The following HMCN1 variants were observed in gnomAD, a reference collection of about 807,000 sequenced individuals.
HMCN1 encodes the protein hemicentin-1.
In HMCN1, 321 loss-of-function variants were observed where a neutral mutation model predicts 625.9. That is an observed-to-expected ratio of 0.51 (90% CI 0.47 to 0.56). HMCN1 has a LOEUF of 0.56. Ranked by LOEUF, HMCN1 falls within the 20% of genes least tolerant of loss-of-function variation. The pLI, the probability that HMCN1 is intolerant of heterozygous loss-of-function variation, is 0.00. For synonymous variants in HMCN1, 2,425 were observed against 2,417.6 expected, an observed-to-expected ratio of 1.00 and a Z score of -0.09; for missense variants, 6,588 against 6,887.3, an observed-to-expected ratio of 0.96 and a Z score of 1.54.
At chr1:185,962,902 C>T (rs978086690) in intron 12 of HMCN1, among the ~76,000 whole-genome samples, 3 of 152,058 alleles carry the variant, frequency 2.0e-5, no homozygotes, top group African/African-American at 7.2e-5. Flanking sequence ...CTTTGAGCTG[C>T]AAATGTAGCA....
chr1:186,037,462 A>C (rs1655911096), intron 36 of HMCN1, among the ~76,000 whole-genome samples: 1 of 152,148 alleles, frequency 6.6e-6, no homozygotes, highest in Non-Finnish European at 1.5e-5. Flanking sequence ...TCAAAGGAAA[A>C]AAACTGCCAA....
intron 66 of HMCN1, 148 bp downstream of exon 66, chr1:186,093,817 C>T (rs1349634262): frequency 8.8e-6 from 9 of 1,021,936 alleles, no homozygotes; most frequent in Admixed American, 7.1e-5. Context: ...AGAGGAAGGA[C>T]AACAAATATA....
At chr1:185,954,425 A>G (rs1175133057) in intron 11 of HMCN1, among the ~76,000 whole-genome samples, 1 of 152,156 alleles carries the variant, frequency 6.6e-6, no homozygotes, top group African/African-American at 2.4e-5. Flanking sequence ...AGTACTGTCA[A>G]TTCCTTATTG....
At chr1:186,172,515 G>GATTTTCCTT (rs1312517446) in intron 102 of HMCN1, among the ~76,000 whole-genome samples, 2 of 152,062 alleles carry the variant, frequency 1.3e-5, no homozygotes, top group Non-Finnish European at 2.9e-5. Context: ...AATTATTTTG[G>GATTTTCCTT]AGATGTATAT....
intron 32 of HMCN1, 67 bp downstream of exon 32, chr1:186,016,306 T>C: frequency 6.9e-7 from 1 of 1,458,978 alleles, no homozygotes; most frequent in Non-Finnish European, 9.5e-7. Flanking sequence ...TGTTAAATAC[T>C]TTTTTGTTCA....
intron 105 of HMCN1, 80 bp from the exon 106 acceptor site, chr1:186,187,803 T>C (rs1653439390): frequency 6.3e-7 from 1 of 1,575,914 alleles, no homozygotes; most frequent in African/African-American, 1.4e-5. Context: ...CACATTCTAG[T>C]CACACATCTA....
chr1:185,749,970 A>G (rs1169409805), intron 1 of HMCN1, among the ~76,000 whole-genome samples: 1 of 152,180 alleles, frequency 6.6e-6, no homozygotes, highest in African/African-American at 2.4e-5. Context: ...GCTCTTGGCT[A>G]AAAGTCACCT....
intron 69 of HMCN1, among the ~76,000 whole-genome samples, chr1:186,105,329 C>A (rs2102449143): frequency 6.6e-6 from 1 of 152,280 alleles, no homozygotes. Flanking sequence ...GTTTTCATAG[C>A]AATTTGTATA....
intron 1 of HMCN1, among the ~76,000 whole-genome samples, chr1:185,783,488 G>T (rs958408999): frequency 6.6e-6 from 1 of 151,992 alleles, no homozygotes; most frequent in Non-Finnish European, 1.5e-5. Flanking sequence ...ATCTACCTTT[G>T]GTCTTTGATG....
chr1:186,149,160 G>A (rs1265411361), intron 93 of HMCN1, among the ~76,000 whole-genome samples: 3 of 152,192 alleles, frequency 2.0e-5, no homozygotes, highest in African/African-American at 7.2e-5. Flanking sequence ...TAACAAGACA[G>A]TCAGTTTGTT....
At chr1:186,120,250 C>A in intron 80 of HMCN1, 105 bp downstream of exon 80, 1 of 1,255,982 alleles carries the variant, frequency 8.0e-7, no homozygotes, top group Non-Finnish European at 1.1e-6. Context: ...CCCCATAGTT[C>A]TCGACATTCT....
At chr1:185,968,942 GT>G (rs1250039100) in intron 14 of HMCN1, among the ~76,000 whole-genome samples, 1 of 152,018 alleles carries the variant, frequency 6.6e-6, no homozygotes, top group Non-Finnish European at 1.5e-5. Flanking sequence ...AATTGAACTA[GT>G]TTTTTCCAAT....
intron 1 of HMCN1, among the ~76,000 whole-genome samples, chr1:185,795,662 T>C (rs1658322357): frequency 1.3e-5 from 2 of 152,208 alleles, no homozygotes; most frequent in African/African-American, 4.8e-5. Context: ...ACGTCTAGAA[T>C]ATAAAAAAGA....
intron 2 of HMCN1, among the ~76,000 whole-genome samples, chr1:185,851,031 TA>T (rs1317414844): frequency 1.3e-5 from 2 of 152,172 alleles, no homozygotes; most frequent in Non-Finnish European, 2.9e-5. Context: ...AACACTAAAC[TA>T]AAGGATATAT....
At chr1:185,781,099 G>A (rs1051737874) in intron 1 of HMCN1, among the ~76,000 whole-genome samples, 1 of 151,502 alleles carries the variant, frequency 6.6e-6, no homozygotes, top group Non-Finnish European at 1.5e-5. Flanking sequence ...GTCCAGGAAT[G>A]TATCCATTTC....
At chr1:185,943,553 G>A (rs564976324) in intron 11 of HMCN1, among the ~76,000 whole-genome samples, 26 of 152,286 alleles carry the variant, frequency 1.7e-4, no homozygotes, top group Non-Finnish European at 3.4e-4. Context: ...TCAGATGGAA[G>A]TCGTGCATTG....
chr1:185,849,129 A>G (rs574549308), intron 2 of HMCN1, among the ~76,000 whole-genome samples: 1 of 151,446 alleles, frequency 6.6e-6, no homozygotes, highest in East Asian at 2.0e-4. Context: ...TTTCATTCCC[A>G]TCTAGTGCCA....
intron 89 of HMCN1, among the ~76,000 whole-genome samples, chr1:186,143,912 A>G (rs1158304980): frequency 6.6e-6 from 1 of 152,222 alleles, no homozygotes; most frequent in Non-Finnish European, 1.5e-5. Flanking sequence ...ATTTAATTGT[A>G]ATAAAATAGC....
Position 186,186,528 on chromosome 1 carries a change from AAAAAT to A in HMCN1, c.16415-1343_16415-1339del, listed in dbSNP as rs576496311. The stretch of plus-strand genomic sequence containing the variant: ...GGCGACAGAGTGAGACTCCGTCTCA[AAAAAT>A]AAAATAAAATAGAGAGCTAAGACCA... On this transcript the variant is annotated intron_variant, in intron 105 of 106. Coordinates refer to ENST00000271588, the MANE Select transcript of HMCN1 (RefSeq NM_031935.3). Among the ~76,000 whole-genome samples the A allele has an allele frequency of 7.2e-5, 11 of 152,300 alleles. No homozygotes were observed. In the East Asian group the frequency reaches 1.5e-3, roughly 21 times the overall value.
Sources: gnomAD v4.1 joint callset for allele counts (sites outside exome capture counted in the v4.1 genomes callset) on GRCh38, gnomAD v4.1.1 for gene constraint, MANE v1.5 for transcripts, NCBI Gene and HGNC (gene_info 2026-07-23, HGNC 2026-07-21) for gene names.